Variants in CLIP1 observed in about 807,000 individuals in gnomAD.
CLIP1 encodes CAP-Gly domain containing linker protein 1.
In CLIP1, 66 loss-of-function variants were observed where a neutral mutation model predicts 161.6. The observed-to-expected ratio is 0.41, with a 90% CI of 0.33 to 0.50. The LOEUF (loss-of-function observed/expected upper bound fraction) is 0.50. Among genes scored for constraint, CLIP1 ranks in the 20% least tolerant of loss-of-function variants. The pLI, the probability that CLIP1 is intolerant of heterozygous loss-of-function variation, is 0.27. For missense variants in CLIP1, 1,376 were observed against 1,702.0 expected (o/e 0.81, Z 3.37); for synonymous variants, 598 against 626.2 (o/e 0.96, Z 0.67).
At chr12:122,349,374 G>A (rs1215314238) in intron 9 of CLIP1, among the ~76,000 whole-genome samples, 1 of 152,188 alleles carries the variant, frequency 6.6e-6, no homozygotes. Context: ...CCTTACTGAT[G>A]GGTCTATATA....
chr12:122,373,305 A>C (rs897057668), intron 3 of CLIP1, among the ~76,000 whole-genome samples: 45 of 151,966 alleles, frequency 3.0e-4, no homozygotes, highest in Admixed American at 3.0e-3. Context: ...GCACGTCTGT[A>C]GTCCCAGCTC....
At chr12:122,328,551 G>C (rs1231336826) in intron 15 of CLIP1, 125 bp from the exon 16 acceptor site, 1 of 557,692 alleles carries the variant, frequency 1.8e-6, no homozygotes, top group Non-Finnish European at 2.7e-6. Context: ...AATAACATCA[G>C]AACTAGGCAA....
At chr12:122,363,926 G>C in intron 4 of CLIP1, 57 bp downstream of exon 4, 2 of 1,610,502 alleles carry the variant, frequency 1.2e-6, no homozygotes, top group Admixed American at 1.7e-5. Flanking sequence ...GGTGAGACTG[G>C]CCTGAGCATC....
rs552280088 is a variant in CLIP1 at position 122,316,206 on chromosome 12, G to A, written c.3473+543C>T. ...TTCTACTCGTACTTTCAAGGCTTTCGAGTCACTTCTTTTTTTTTTTTTGAG... is the reference window on the plus strand; with the variant it reads ...TTCTACTCGTACTTTCAAGGCTTTCAAGTCACTTCTTTTTTTTTTTTTGAG... On this transcript the variant is annotated intron_variant, in intron 19 of 25. Coordinates refer to ENST00000620786, the MANE Select transcript of CLIP1 (RefSeq NM_001247997.2). Among the ~76,000 whole-genome samples, 60 of 150,764 alleles carry A rather than the reference G, an allele frequency of 4.0e-4. No homozygotes were observed. In the South Asian group the frequency reaches 0.012, roughly 29 times the overall value.
chr12:122,303,027 G>T (rs935069755), intron 20 of CLIP1, among the ~76,000 whole-genome samples: 1 of 152,162 alleles, frequency 6.6e-6, no homozygotes, highest in African/African-American at 2.4e-5. Flanking sequence ...CACTGCATCT[G>T]GCCCTTTCCT....
At chr12:122,365,689 A>AG (rs1317951773) in intron 3 of CLIP1, 68 of 674,050 alleles carry the variant, frequency 1.0e-4, no homozygotes, top group African/African-American at 3.0e-4. Flanking sequence ...AAAAAAAAAA[A>AG]AAAGAAAGAA....
At chr12:122,361,799 C>G (rs1189275143) in intron 4 of CLIP1, among the ~76,000 whole-genome samples, 1 of 152,128 alleles carries the variant, frequency 6.6e-6, no homozygotes, top group East Asian at 1.9e-4. Context: ...CCACTGTAGT[C>G]CAGCCTGGGT....
At chr12:122,292,102 G>A (rs146832703) in intron 20 of CLIP1, among the ~76,000 whole-genome samples, 44 of 151,690 alleles carry the variant, frequency 2.9e-4, no homozygotes, top group South Asian at 2.1e-3. Flanking sequence ...AGCAATTCTC[G>A]TGCCTCAGCC....
chr12:122,289,333 C>T (rs368298757), intron 20 of CLIP1, among the ~76,000 whole-genome samples: 3 of 151,814 alleles, frequency 2.0e-5, no homozygotes, highest in East Asian at 2.0e-4. Flanking sequence ...GCAGGAGAAT[C>T]GCTTGAACCC....
chr12:122,290,906 GT>G (rs893344514), intron 20 of CLIP1, among the ~76,000 whole-genome samples: 22 of 137,348 alleles, frequency 1.6e-4, no homozygotes, highest in Non-Finnish European at 2.9e-4. Context: ...GTTTTTTTTA[GT>G]TTTTTTTTTA....
At chr12:122,305,001 A>G (rs1950815927) in intron 20 of CLIP1, among the ~76,000 whole-genome samples, 1 of 152,226 alleles carries the variant, frequency 6.6e-6, no homozygotes, top group Non-Finnish European at 1.5e-5. Context: ...TTTGTATAAT[A>G]CATCTGCTAT....
At position 122,355,265 on chromosome 12, in the gene CLIP1, A is replaced by G. The variant is rs1026317829; in HGVS notation, c.1053T>C (p.Thr351=). The change falls in exon 6 of 26, where the codon ACT becomes ACC. Residue 351 remains threonine, a synonymous_variant. Transcript: ENST00000620786. The surrounding 1 kb of genome is among the most constrained non-coding windows in gnomAD (Gnocchi z 4.1). ...TCTCCTTCAGGGCCTCCTGGAGGGCAGTGGTACCGGAGATCTTCCTGGCGT... is the reference window on the plus strand; with the variant it reads ...TCTCCTTCAGGGCCTCCTGGAGGGCGGTGGTACCGGAGATCTTCCTGGCGT... ...SRYARKISGT[T]ALQEALKEKQ... 1.2e-6 allele frequency: 2 copies of G among 1,614,102 alleles called. No homozygotes were observed. Among genetic ancestry groups the G allele is most frequent in the African/African-American group, 1.3e-5 (1 of 74,940 alleles).
chr12:122,277,684 A>G (rs1955485042), intron 24 of CLIP1: 1 of 153,642 alleles, frequency 6.5e-6, no homozygotes, highest in Non-Finnish European at 1.4e-5. Flanking sequence ...GGCATTGTTT[A>G]TAATACACCC....
At chr12:122,404,904 AAAAAAAACAAAAC>A (rs1566237381) in intron 1 of CLIP1, among the ~76,000 whole-genome samples, 1 of 149,410 alleles carries the variant, frequency 6.7e-6, no homozygotes, top group Non-Finnish European at 1.5e-5. Flanking sequence ...CATCTCAAAA[AAAAAAAACAAAAC>A]AAAAAAAAAC....
chr12:122,317,720 A>C (rs530004018), intron 18 of CLIP1, among the ~76,000 whole-genome samples: 2 of 152,338 alleles, frequency 1.3e-5, no homozygotes, highest in Non-Finnish European at 2.9e-5. Context: ...GCCACATGCC[A>C]CCAGTCAGGA....
chr12:122,305,744 G>A (rs906824084), intron 20 of CLIP1, among the ~76,000 whole-genome samples: 1 of 152,048 alleles, frequency 6.6e-6, no homozygotes, highest in African/African-American at 2.4e-5. Context: ...TGGGCACAAC[G>A]TAATCAGCTG....
chr12:122,348,836 G>C (rs186579312), intron 9 of CLIP1, among the ~76,000 whole-genome samples: 1 of 152,198 alleles, frequency 6.6e-6, no homozygotes, highest in African/African-American at 2.4e-5. Context: ...GTGACACAAA[G>C]TGCAGAGCTT....
At chr12:122,365,168 T>C (rs1210031460) in intron 3 of CLIP1, 4 of 424,556 alleles carry the variant, frequency 9.4e-6, no homozygotes, top group African/African-American at 6.3e-5. Flanking sequence ...CACACCAGCA[T>C]GGCACATGTA....
chr12:122,368,359 C>T (rs1434303668), intron 3 of CLIP1, among the ~76,000 whole-genome samples: 2 of 152,110 alleles, frequency 1.3e-5, no homozygotes, highest in Non-Finnish European at 2.9e-5. Flanking sequence ...GGAACAGAAA[C>T]AAATACCCTT....
Sources: gnomAD v4.1 joint callset for allele counts (sites outside exome capture counted in the v4.1 genomes callset) on GRCh38, gnomAD v4.1.1 for gene constraint, Gnocchi (gnomAD v3.1) non-coding constraint, MANE v1.5 for transcripts, NCBI Gene and HGNC (gene_info 2026-07-23, HGNC 2026-07-21) for gene names.